The following KALRN variants were observed in gnomAD, a reference collection of about 807,000 sequenced individuals.
The protein encoded by KALRN is kalirin.
KALRN carries 70 observed loss-of-function variants against 353.7 expected under a neutral mutation model. The observed-to-expected ratio is 0.20, with a 90% CI of 0.16 to 0.24. The LOEUF (loss-of-function observed/expected upper bound fraction) is 0.24, where lower values mean the gene tolerates loss of function less well. Among genes scored for constraint, KALRN ranks in the 10% least tolerant of loss-of-function variants. The pLI is 1.00. For missense variants in KALRN, 2,791 were observed against 3,756.7 expected (o/e 0.74, Z 6.72); for synonymous variants, 1,391 against 1,434.8 (o/e 0.97, Z 0.69).
intron 55 of KALRN, among the ~76,000 whole-genome samples, chr3:124,698,684 T>C (rs2062175403): frequency 6.6e-6 from 1 of 152,194 alleles, no homozygotes; most frequent in South Asian, 2.1e-4. Context: ...TTTGTGATCT[T>C]TCTCCCAGAG....
chr3:124,583,177 A>G (rs1294827175), intron 34 of KALRN, among the ~76,000 whole-genome samples: 2 of 152,142 alleles, frequency 1.3e-5, no homozygotes, highest in Non-Finnish European at 2.9e-5. Flanking sequence ...TTGTCCCATG[A>G]GTGTGTTTCT....
chr3:124,419,684 A>G (rs1028556394), intron 14 of KALRN, among the ~76,000 whole-genome samples: 8 of 152,210 alleles, frequency 5.3e-5, no homozygotes, highest in African/African-American at 1.9e-4. Flanking sequence ...AGATAAGTTA[A>G]TAAGGAACCA....
chr3:124,660,644 G>C (rs1173747861), intron 43 of KALRN, among the ~76,000 whole-genome samples: 1 of 137,032 alleles, frequency 7.3e-6, no homozygotes, highest in African/African-American at 2.8e-5. Context: ...TTGCACCACT[G>C]CACTCCAGCC....
chr3:124,506,889 T>A (rs535605143), intron 33 of KALRN, among the ~76,000 whole-genome samples: 1 of 152,356 alleles, frequency 6.6e-6, no homozygotes, highest in East Asian at 1.9e-4. Flanking sequence ...ATGTAGGCTG[T>A]CTTTTTATCT....
intron 33 of KALRN, among the ~76,000 whole-genome samples, chr3:124,523,380 A>G (rs775897549): frequency 1.6e-4 from 25 of 152,238 alleles, no homozygotes; most frequent in Non-Finnish European, 2.8e-4. Flanking sequence ...TAGGCCCTGC[A>G]TCAGTTTCTT....
chr3:124,090,227 C>T (rs1674415426), intron 1 of KALRN, among the ~76,000 whole-genome samples: 1 of 152,094 alleles, frequency 6.6e-6, no homozygotes. Context: ...CAGGTTTTCA[C>T]CACTTAACAA....
At chr3:124,569,322 G>A (rs1453155643) in intron 34 of KALRN, among the ~76,000 whole-genome samples, 1 of 152,174 alleles carries the variant, frequency 6.6e-6, no homozygotes, top group Non-Finnish European at 1.5e-5. Flanking sequence ...TCCCCATGCT[G>A]CAGAAGGTGG....
intron 1 of KALRN, among the ~76,000 whole-genome samples, chr3:124,105,450 G>A (rs1397076907): frequency 6.6e-6 from 1 of 152,202 alleles, no homozygotes. Context: ...AAGGAAGACA[G>A]CATAGAGAAA....
intron 33 of KALRN, among the ~76,000 whole-genome samples, chr3:124,542,126 C>T (rs2069104689): frequency 6.6e-6 from 1 of 152,208 alleles, no homozygotes; most frequent in Non-Finnish European, 1.5e-5. Flanking sequence ...CAGCTATAAG[C>T]AGGGCAGCTT....
intron 33 of KALRN, among the ~76,000 whole-genome samples, chr3:124,539,351 A>G (rs963858277): frequency 6.6e-6 from 1 of 152,222 alleles, no homozygotes; most frequent in Non-Finnish European, 1.5e-5. Context: ...GAGATAGACC[A>G]CAAAGTTCCA....
intron 45 of KALRN, among the ~76,000 whole-genome samples, chr3:124,664,323 TTGTACA>T (rs1461256307): frequency 2.7e-5 from 4 of 147,866 alleles, no homozygotes; most frequent in Admixed American, 6.8e-5. Context: ...AGGAGCTGTG[TTGTACA>T]TGTGAGTGTG....
At chr3:124,304,887 A>G (rs2077561202) in intron 6 of KALRN, among the ~76,000 whole-genome samples, 1 of 152,172 alleles carries the variant, frequency 6.6e-6, no homozygotes, top group South Asian at 2.1e-4. Context: ...GCTGAAGCCA[A>G]GTTCTGGGTG....
intron 34 of KALRN, among the ~76,000 whole-genome samples, chr3:124,585,875 C>A (rs2075129974): frequency 6.6e-6 from 1 of 152,214 alleles, no homozygotes; most frequent in Non-Finnish European, 1.5e-5. Flanking sequence ...ATCTGCTATG[C>A]AAAATCCTAA....
At chr3:124,261,046 C>CT (rs11385774) in intron 3 of KALRN, among the ~76,000 whole-genome samples, 60,618 of 142,706 alleles carry the variant, frequency 0.42, 12,713 homozygotes, top group Admixed American at 0.46. Context: ...CTTGGGTTTT[C>CT]TTTTTTTTTT....
intron 41 of KALRN, 116 bp downstream of exon 41, chr3:124,657,919 CA>C: frequency 1.3e-6 from 1 of 765,398 alleles, no homozygotes; most frequent in Non-Finnish European, 2.2e-6. Flanking sequence ...TTTAGGAGGC[CA>C]AGGTGGGAGG....
chr3:124,663,900 C>T (rs1490012726), intron 45 of KALRN, among the ~76,000 whole-genome samples: 2 of 152,166 alleles, frequency 1.3e-5, no homozygotes, highest in Non-Finnish European at 2.9e-5. Flanking sequence ...GCCAAATTCT[C>T]TTCTCCTCCT....
At chr3:124,602,945 T>TG (rs61248197) in intron 34 of KALRN, among the ~76,000 whole-genome samples, 25 of 39,920 alleles carry the variant, frequency 6.3e-4, no homozygotes, top group East Asian at 3.9e-3. Context: ...TCGTGGTTTT[T>TG]TTTTTGTTGT....
intron 47 of KALRN, among the ~76,000 whole-genome samples, 188 bp from the exon 48 acceptor site, chr3:124,671,472 C>T (rs1025281879): frequency 6.6e-6 from 1 of 152,200 alleles, no homozygotes; most frequent in Non-Finnish European, 1.5e-5. Context: ...TCACATATGG[C>T]ACCGTTTTGT....
At chr3:124,224,002 C>T (rs192655903) in intron 1 of KALRN, among the ~76,000 whole-genome samples, 59 of 152,184 alleles carry the variant, frequency 3.9e-4, no homozygotes, top group Admixed American at 1.2e-3. Context: ...TGCTAATTAA[C>T]GGAACAGCAG....
Sources: allele counts gnomAD v4.1 joint callset (sites outside exome capture counted in the v4.1 genomes callset), GRCh38; gene constraint gnomAD v4.1.1; transcripts MANE v1.5; gene names NCBI Gene and HGNC (gene_info 2026-07-23, HGNC 2026-07-21).